Variants in SHOC1 observed in about 807,000 individuals in gnomAD.
The protein encoded by SHOC1 is protein shortage in chiasmata 1 ortholog.
In SHOC1, 136 loss-of-function variants were observed where a neutral mutation model predicts 179.2. The ratio of observed to expected loss-of-function variants is 0.76; its 90% CI spans 0.66 to 0.87. SHOC1 has a LOEUF of 0.87. SHOC1 is among the 40% of genes least tolerant of loss of function. The pLI, the probability that SHOC1 is intolerant of heterozygous loss-of-function variation, is 0.00. For synonymous variants in SHOC1, 489 were observed against 586.6 expected (o/e 0.83, Z 2.41); for missense variants, 1,538 against 1,700.8 (o/e 0.90, Z 1.68).
chr9:111,781,210 C>A, intron 3 of SHOC1, 193 bp from the exon 4 acceptor site: 1 of 554,754 alleles, frequency 1.8e-6, no homozygotes, highest in Non-Finnish European at 3.3e-6. Flanking sequence ...GCCCCTCAAT[C>A]AACTACAGTT....
chr9:111,688,168 A>G (rs770175534), intron 27 of SHOC1, among the ~76,000 whole-genome samples: 27 of 152,188 alleles, frequency 1.8e-4, no homozygotes, highest in Non-Finnish European at 3.5e-4. Flanking sequence ...TTTTTGTGGT[A>G]TGAAGACACC....
intron 27 of SHOC1, among the ~76,000 whole-genome samples, chr9:111,690,350 C>T (rs1278267432): frequency 6.6e-6 from 1 of 151,962 alleles, no homozygotes; most frequent in Non-Finnish European, 1.5e-5. Flanking sequence ...CGGTTGAGCC[C>T]GAAAGGTGGG....
At chr9:111,691,084 C>T (rs1368714544) in intron 27 of SHOC1, among the ~76,000 whole-genome samples, 2 of 152,322 alleles carry the variant, frequency 1.3e-5, no homozygotes, top group South Asian at 2.1e-4. Flanking sequence ...AACTCAAAAA[C>T]ATCCACCAGA....
In SHOC1 at chr9:111,758,072, C is replaced by A; in HGVS notation, c.708+12G>T. 1 of 1,307,550 alleles carries A rather than the reference C, an allele frequency of 7.6e-7. No individual in the cohort carries two copies. Among genetic ancestry groups the A allele is most frequent in the Admixed American group, 2.3e-5 (1 of 43,368 alleles). The allele number at this position is 1,307,550 out of a possible 1,614,324, so 81.0% of individuals were successfully genotyped here. On this transcript the variant is annotated intron_variant, in intron 7 of 27. Coordinates refer to ENST00000682961, the MANE Select transcript of SHOC1 (RefSeq NM_001378211.1). Reference sequence around the variant, plus strand: ...CTTTTACTAAAATATTATTGAAAGCCAGTATTACAACCTCATTTAAACATA... The same window carrying A: ...CTTTTACTAAAATATTATTGAAAGCAAGTATTACAACCTCATTTAAACATA...
intron 16 of SHOC1, among the ~76,000 whole-genome samples, chr9:111,716,684 C>T (rs1038775460): frequency 6.6e-6 from 1 of 152,186 alleles, no homozygotes; most frequent in Non-Finnish European, 1.5e-5. Context: ...AGCCATGGCA[C>T]CCAGCCCATG....
Position 111,727,921 on chromosome 9 carries a change from C to T in SHOC1, c.1546G>A (p.Asp516Asn), listed in dbSNP as rs142141625. The T allele has an allele frequency of 2.4e-5, 38 of 1,613,276 alleles. No individual in the cohort carries two copies. Among genetic ancestry groups the T allele is most frequent in the Non-Finnish European group, 3.0e-5 (35 of 1,179,716 alleles). Residue 516 changes from aspartate (D) to asparagine (N), a missense_variant, in exon 13 of 28, where the codon GAT (aspartate) becomes AAT (asparagine). Physicochemically the swap from Asp to Asn is conservative, Grantham distance 23 (BLOSUM62 1). Transcript: ENST00000682961. ...AKEVPDLCFS[D>N]DYFSDKGAAK... ...GCTCCTTTATCAGAGAAATAGTCATCAGAAAAACATAGATCTGGTACTTCT... is the reference window on the plus strand; with the variant it reads ...GCTCCTTTATCAGAGAAATAGTCATTAGAAAAACATAGATCTGGTACTTCT...
At chr9:111,738,582 C>T in intron 11 of SHOC1, 60 bp from the exon 12 acceptor site, 1 of 1,399,122 alleles carries the variant, frequency 7.1e-7, no homozygotes, top group Admixed American at 2.9e-5. Flanking sequence ...AGAAACAAAA[C>T]ACAATAAACA....
intron 8 of SHOC1, among the ~76,000 whole-genome samples, chr9:111,749,449 A>C (rs576106220): frequency 6.6e-6 from 1 of 151,844 alleles, no homozygotes; most frequent in Admixed American, 6.6e-5. Context: ...CTTTATTTCC[A>C]CAGAATTAAT....
intron 12 of SHOC1, among the ~76,000 whole-genome samples, chr9:111,734,881 T>C (rs1564134918): frequency 6.6e-6 from 1 of 152,190 alleles, no homozygotes; most frequent in South Asian, 2.1e-4. Flanking sequence ...CCTGGGTATA[T>C]TGCATGATGC....
chr9:111,763,352 C>A (rs1835219512), intron 5 of SHOC1, among the ~76,000 whole-genome samples: 1 of 151,888 alleles, frequency 6.6e-6, no homozygotes, highest in Non-Finnish European at 1.5e-5. Flanking sequence ...TAATATATAA[C>A]AATAGACCCA....
intron 12 of SHOC1, among the ~76,000 whole-genome samples, chr9:111,732,755 G>C (rs1173540915): frequency 1.3e-5 from 2 of 152,112 alleles, no homozygotes; most frequent in East Asian, 1.9e-4. Context: ...GGACCAGGGG[G>C]GTAGGTTAGT....
intron 26 of SHOC1, among the ~76,000 whole-genome samples, chr9:111,693,535 G>A (rs961492858): frequency 4.6e-5 from 7 of 151,544 alleles, no homozygotes; most frequent in African/African-American, 1.5e-4. Flanking sequence ...CTTGGGAGGT[G>A]GAGGTTGCAG....
At position 111,775,795 on chromosome 9, in the gene SHOC1, G is replaced by A. The variant is rs1471522427; in HGVS notation, c.438C>T (p.Asn146=). 2 of 1,602,232 alleles carry A rather than the reference G, an allele frequency of 1.2e-6. No homozygotes were observed. The highest frequency in any genetic ancestry group is 2.2e-5 in the East Asian group (1 of 44,604). The part of the protein sequence containing the change: ...LEKCSALQNQ[N]QDLFIDDKGI... Reference sequence around the variant, plus strand: ...AATATAAAATAAACGTTTTACCTTGGTTCTGGTTTTGAAGTGCTGAACATT... The same window carrying A: ...AATATAAAATAAACGTTTTACCTTGATTCTGGTTTTGAAGTGCTGAACATT... The change falls in exon 5 of 28, where the codon AAC becomes AAT. Residue 146 remains asparagine (N), a synonymous_variant. Coordinates refer to ENST00000682961, the MANE Select transcript of SHOC1 (RefSeq NM_001378211.1).
chr9:111,709,336 C>CA, intron 18 of SHOC1, among the ~76,000 whole-genome samples: 1 of 152,000 alleles, frequency 6.6e-6, no homozygotes, highest in South Asian at 2.1e-4. Flanking sequence ...GAGTGAAACT[C>CA]AAAAAAACAA....
chr9:111,748,795 C>G (rs1452522864), intron 8 of SHOC1, among the ~76,000 whole-genome samples: 5 of 75,380 alleles, frequency 6.6e-5, no homozygotes, highest in South Asian at 5.2e-4. Flanking sequence ...CCCCTCCCCC[C>G]CTTCCTTCCT....
chr9:111,762,255 T>C (rs1274350103), intron 5 of SHOC1, among the ~76,000 whole-genome samples: 2 of 147,724 alleles, frequency 1.4e-5, no homozygotes, highest in Non-Finnish European at 3.0e-5. Flanking sequence ...CATAGGGACA[T>C]CTTGTCTCTA....
intron 8 of SHOC1, among the ~76,000 whole-genome samples, chr9:111,751,446 C>A (rs970188818): frequency 6.6e-6 from 1 of 152,042 alleles, no homozygotes; most frequent in Non-Finnish European, 1.5e-5. Flanking sequence ...GCTTAAGAAG[C>A]TTTTGGGCTG....
chr9:111,718,329 T>TATTCTAAAACTGTAATG, intron 15 of SHOC1, 41 bp from the exon 16 acceptor site: 1 of 1,295,614 alleles, frequency 7.7e-7, no homozygotes. Flanking sequence ...AGACTATACA[T>TATTCTAAAACTGTAATG]TACAGTTTTA....
chr9:111,788,194 C>T (rs1471057475), intron 2 of SHOC1, among the ~76,000 whole-genome samples: 1 of 147,992 alleles, frequency 6.8e-6, no homozygotes. Context: ...GATGACACAG[C>T]GAGACTCCAT....
Sources: allele counts gnomAD v4.1 joint callset (sites outside exome capture counted in the v4.1 genomes callset), GRCh38; gene constraint gnomAD v4.1.1; transcripts MANE v1.5; gene names NCBI Gene and HGNC (gene_info 2026-07-23, HGNC 2026-07-21).